PTPRK: variants seen among roughly 807,000 people sequenced by gnomAD.
PTPRK encodes the protein protein tyrosine phosphatase receptor type K.
In PTPRK, 75 loss-of-function variants were observed where a neutral mutation model predicts 178.0. The observed-to-expected ratio is 0.42, with a 90% CI of 0.35 to 0.51. The LOEUF (loss-of-function observed/expected upper bound fraction) is 0.51, where lower values mean the gene tolerates loss of function less well. Among genes scored for constraint, PTPRK ranks in the 20% least tolerant of loss-of-function variants. PTPRK has a pLI of 0.02. For missense variants in PTPRK, 1,441 were observed against 1,797.8 expected (o/e 0.80, Z 3.59); for synonymous variants, 637 against 620.6 (o/e 1.03, Z -0.39).
intron 7 of PTPRK, among the ~76,000 whole-genome samples, chr6:128,118,794 T>C (rs1217150318): frequency 6.6e-6 from 1 of 152,220 alleles, no homozygotes. Context: ...ATTTATTCTA[T>C]GGTTTTAATC....
chr6:128,303,604 T>C (rs1025107879), intron 3 of PTPRK, among the ~76,000 whole-genome samples: 3 of 152,216 alleles, frequency 2.0e-5, no homozygotes, highest in African/African-American at 7.2e-5. Flanking sequence ...TTATAAATCA[T>C]ACATTCTCTA....
intron 2 of PTPRK, among the ~76,000 whole-genome samples, chr6:128,339,723 A>T (rs1253251253): frequency 6.6e-6 from 1 of 152,180 alleles, no homozygotes; most frequent in Non-Finnish European, 1.5e-5. Context: ...AATAAATGAG[A>T]GTCTAACAAG....
In PTPRK at chr6:128,218,680, T is replaced by C. The variant is rs569756053; in HGVS notation, c.868+242A>G. Among the ~76,000 whole-genome samples the C allele has an allele frequency of 1.9e-4, 29 of 152,318 alleles. No homozygotes were observed. In the South Asian group the frequency reaches 6.0e-3, roughly 32 times the overall value. On this transcript the variant is annotated intron_variant, in intron 6 of 29. Transcript: ENST00000368226. ...AAGGTATTTGATATATTTAGTCCAC[T>C]TAGAGCATTATAAAATAGATTTCTT...
intron 1 of PTPRK, among the ~76,000 whole-genome samples, chr6:128,454,771 C>T (rs1848199530): frequency 6.6e-6 from 1 of 152,092 alleles, no homozygotes; most frequent in Non-Finnish European, 1.5e-5. Flanking sequence ...TGAAGGAAAT[C>T]CTTGAATATT....
At chr6:128,451,592 C>T (rs1429233633) in intron 1 of PTPRK, among the ~76,000 whole-genome samples, 1 of 151,070 alleles carries the variant, frequency 6.6e-6, no homozygotes. Flanking sequence ...TGAAGATTTG[C>T]AAAATATGTT....
At chr6:127,992,815 T>C (rs1701031283) in intron 18 of PTPRK, 106 bp from the exon 19 acceptor site, 1 of 927,428 alleles carries the variant, frequency 1.1e-6, no homozygotes, top group African/African-American at 1.7e-5. Flanking sequence ...TAAGTTATAA[T>C]AAAAAGTCCA....
At chr6:128,454,075 T>C (rs1848111992) in intron 1 of PTPRK, among the ~76,000 whole-genome samples, 1 of 152,152 alleles carries the variant, frequency 6.6e-6, no homozygotes, top group Non-Finnish European at 1.5e-5. Context: ...AGCAACGGTC[T>C]TCAGCGAAGG....
At chr6:128,032,317 T>C (rs1289498270) in intron 13 of PTPRK, among the ~76,000 whole-genome samples, 1 of 152,142 alleles carries the variant, frequency 6.6e-6, no homozygotes, top group Non-Finnish European at 1.5e-5. Context: ...CTTTGTGGTT[T>C]TCTTCTTTCT....
intron 13 of PTPRK, among the ~76,000 whole-genome samples, chr6:128,030,113 A>G (rs920127480): frequency 6.0e-5 from 9 of 151,242 alleles, no homozygotes; most frequent in African/African-American, 2.2e-4. Flanking sequence ...CATGTCAGTT[A>G]GTCATCAGAT....
chr6:127,996,471 TTTG>T (rs923247203), intron 17 of PTPRK, among the ~76,000 whole-genome samples: 29 of 152,180 alleles, frequency 1.9e-4, no homozygotes, highest in African/African-American at 6.3e-4. Context: ...GTTGTTTTTG[TTTG>T]TTGTTGTTGT....
chr6:128,310,471 G>A (rs1827073368), intron 3 of PTPRK, among the ~76,000 whole-genome samples: 1 of 152,118 alleles, frequency 6.6e-6, no homozygotes, highest in Non-Finnish European at 1.5e-5. Flanking sequence ...CTCCGAACAA[G>A]GAAGACACAA....
chr6:128,339,730 C>T (rs1831417994), intron 2 of PTPRK, among the ~76,000 whole-genome samples: 1 of 152,092 alleles, frequency 6.6e-6, no homozygotes. Context: ...GAGAGTCTAA[C>T]AAGTAAGCTC....
At chr6:128,464,656 T>C (rs1441284107) in intron 1 of PTPRK, among the ~76,000 whole-genome samples, 31 of 102,744 alleles carry the variant, frequency 3.0e-4, no homozygotes, top group Middle Eastern at 8.1e-3. Context: ...TATATATATA[T>C]ATATATATAT....
At chr6:128,429,241 A>G (rs370268351) in intron 1 of PTPRK, among the ~76,000 whole-genome samples, 1 of 152,332 alleles carries the variant, frequency 6.6e-6, no homozygotes, top group South Asian at 2.1e-4. Flanking sequence ...TTAGAATTCT[A>G]TGGTCACGAA....
intron 6 of PTPRK, among the ~76,000 whole-genome samples, chr6:128,210,436 C>T (rs1807914700): frequency 1.0e-5 from 1 of 97,054 alleles, no homozygotes; most frequent in Non-Finnish European, 1.8e-5. Flanking sequence ...TGCCATTTGG[C>T]CTTTAGGTAT....
At chr6:128,510,535 G>C (rs993183026) in intron 1 of PTPRK, among the ~76,000 whole-genome samples, 2 of 152,170 alleles carry the variant, frequency 1.3e-5, no homozygotes, top group African/African-American at 4.8e-5. Context: ...AGTAGAGTTA[G>C]TAGGTTTTGT....
intron 3 of PTPRK, among the ~76,000 whole-genome samples, chr6:128,276,603 C>G (rs1820761674): frequency 6.6e-6 from 1 of 152,242 alleles, no homozygotes; most frequent in East Asian, 1.9e-4. Flanking sequence ...ATAAATGCAG[C>G]AAGCAGCTCC....
intron 2 of PTPRK, among the ~76,000 whole-genome samples, chr6:128,360,202 T>A (rs752428249): frequency 2.6e-5 from 4 of 152,164 alleles, no homozygotes; most frequent in African/African-American, 4.8e-5. Context: ...AACAAAAATT[T>A]ATCAAAGTTT....
chr6:128,046,335 G>A (rs1289011821), intron 13 of PTPRK, among the ~76,000 whole-genome samples: 1 of 152,162 alleles, frequency 6.6e-6, no homozygotes, highest in East Asian at 1.9e-4. Flanking sequence ...GGAGAAAAGA[G>A]TGTGATTATC....
Sources: allele counts gnomAD v4.1 joint callset (sites outside exome capture counted in the v4.1 genomes callset), GRCh38; gene constraint gnomAD v4.1.1; transcripts MANE v1.5; gene names NCBI Gene and HGNC (gene_info 2026-07-23, HGNC 2026-07-21).